Variants in SDS observed in about 807,000 individuals in gnomAD.
The protein encoded by SDS is serine dehydratase, also known as L-serine dehydratase/L-threonine deaminase.
A neutral mutation model predicts 29.3 loss-of-function variants in SDS; 19 were observed. The ratio of observed to expected loss-of-function variants is 0.65; its 90% CI spans 0.45 to 0.95. SDS has a LOEUF of 0.95. SDS is among the 40% of genes least tolerant of loss of function. The pLI, the probability that SDS is intolerant of heterozygous loss-of-function variation, is 0.00. For synonymous variants in SDS, 176 were observed against 189.0 expected, an observed-to-expected ratio of 0.93 and a Z score of 0.56; for missense variants, 375 against 439.9, an observed-to-expected ratio of 0.85 and a Z score of 1.32.
At chr12:113,394,323 TG>T (rs1167450403) in intron 6 of SDS, among the ~76,000 whole-genome samples, 2 of 147,372 alleles carry the variant, frequency 1.4e-5, no homozygotes, top group African/African-American at 2.6e-5. Context: ...TTGTTTTGTT[TG>T]TTTTTTTGTT....
At chr12:113,401,735 G>A (rs1305046473) in intron 1 of SDS, among the ~76,000 whole-genome samples, 1 of 152,202 alleles carries the variant, frequency 6.6e-6, no homozygotes, top group Non-Finnish European at 1.5e-5. Context: ...TCTGGGGGAT[G>A]AAGCAGCTGG....
rs1181446266 is a variant in SDS at position 113,398,538 on chromosome 12, G to C, written c.402C>G (p.Pro134=). The C allele has an allele frequency of 6.3e-7, 1 of 1,591,430 alleles. No individual in the cohort carries two copies. The highest frequency in any genetic ancestry group is 8.5e-7 in the Non-Finnish European group (1 of 1,170,496). Residue 134 remains proline, a synonymous_variant, in exon 5 of 8, where the codon CCC becomes CCG. Coordinates refer to ENST00000257549, the MANE Select transcript of SDS (RefSeq NM_006843.3). ...ACCAGATGAGGGGGTCATCAAAGGGGGGAATGTAGACCCAACCCGGGTTGT... is the reference window on the plus strand; with the variant it reads ...ACCAGATGAGGGGGTCATCAAAGGGCGGAATGTAGACCCAACCCGGGTTGT... ...AKNNPGWVYI[P]PFDDPLIWEG...
intron 1 of SDS, among the ~76,000 whole-genome samples, chr12:113,401,885 G>A (rs1369112108): frequency 6.6e-6 from 1 of 152,156 alleles, no homozygotes; most frequent in Non-Finnish European, 1.5e-5. Context: ...GATGGCCAAG[G>A]GGCTCTCTGG....
chr12:113,399,520 C>A, intron 2 of SDS, 36 bp downstream of exon 2: 2 of 1,505,272 alleles, frequency 1.3e-6, no homozygotes, highest in African/African-American at 1.4e-5. Flanking sequence ...GAGGACCTGC[C>A]ACCCCTGCCC....
intron 1 of SDS, among the ~76,000 whole-genome samples, chr12:113,401,063 G>A (rs989941369): frequency 1.3e-5 from 2 of 151,666 alleles, no homozygotes; most frequent in South Asian, 2.1e-4. Flanking sequence ...GTAGTGAGCC[G>A]AGATCGCGCC....
chr12:113,402,607 G>C (rs1044909917), intron 1 of SDS, among the ~76,000 whole-genome samples: 2 of 152,154 alleles, frequency 1.3e-5, no homozygotes, highest in Admixed American at 6.6e-5. Flanking sequence ...GACATTAAAG[G>C]CCGGTGTAGG....
chr12:113,397,042 G>T (rs989637941), intron 6 of SDS, 123 bp downstream of exon 6: 1 of 901,766 alleles, frequency 1.1e-6, no homozygotes. Flanking sequence ...CTGGGCAAGC[G>T]ATCAAAGCCT....
At chr12:113,394,349 T>TTG (rs1565868928) in intron 6 of SDS, among the ~76,000 whole-genome samples, 1 of 151,070 alleles carries the variant, frequency 6.6e-6, no homozygotes, top group Non-Finnish European at 1.5e-5. Context: ...TTTTGTTTTT[T>TTG]TTTTTTTTTA....
chr12:113,403,633 T>C (rs979018264), intron 1 of SDS, 135 bp downstream of exon 1: 10 of 152,152 alleles, frequency 6.6e-5, no homozygotes, highest in African/African-American at 2.2e-4. Flanking sequence ...CCTTCCAAAG[T>C]GTTGGGATTA....
At chr12:113,400,294 GAAAAA>G (rs777295542) in intron 1 of SDS, among the ~76,000 whole-genome samples, 70 of 128,498 alleles carry the variant, frequency 5.4e-4, no homozygotes, top group Admixed American at 2.0e-3. Flanking sequence ...TCTGTCTTGA[GAAAAA>G]AAAAAAAAAG....
In SDS at chr12:113,393,001, G is replaced by A. The variant is rs747854187; in HGVS notation, c.927C>T (p.Ser309=). ...CCTTGAGCGCCCGCAGCTGGGCCAG[G>A]CTGATGTTGCTGCCCCCGCAGACGA... The part of the protein sequence containing the change: ...VVIVCGGSNI[S]LAQLRALKEQ... Residue 309 remains serine, a synonymous_variant, in exon 8 of 8, where the codon AGC becomes AGT. Coordinates refer to ENST00000257549, the MANE Select transcript of SDS (RefSeq NM_006843.3). 2 of 1,614,202 alleles carry A rather than the reference G, an allele frequency of 1.2e-6. No homozygotes were observed. The highest frequency in any genetic ancestry group is 2.2e-5 in the South Asian group (2 of 91,084).
At chr12:113,397,808 A>T (rs1957657112) in intron 5 of SDS, among the ~76,000 whole-genome samples, 1 of 152,046 alleles carries the variant, frequency 6.6e-6, no homozygotes, top group Non-Finnish European at 1.5e-5. Context: ...GAAAAAGAAA[A>T]AAGAAACAGC....
chr12:113,398,837 G>A lies in SDS; in HGVS notation c.203C>T (p.Ala68Val). ...GGCCGCATATGCAGCCGCCATGCCT[G>A]CGTTGCCCGCTGCCAGGGTCGGGGG... is the stretch of plus-strand genomic sequence containing the variant. ...AHFVCSSAGN[A>V]GMAAAYAARQ... Residue 68 changes from alanine (A) to valine (V), a missense_variant, in exon 4 of 8, where the codon GCA becomes GTA. Ala to Val is a moderately conservative substitution (Grantham distance 64). Transcript: ENST00000257549. The A allele has an allele frequency of 6.2e-7, 1 of 1,605,710 alleles. No individual in the cohort carries two copies. Among genetic ancestry groups the A allele is most frequent in the Non-Finnish European group, 8.5e-7 (1 of 1,176,254 alleles).
Position 113,392,853 on chromosome 12 carries a change from C to G in SDS, c.*88G>C, listed in dbSNP as rs752547968. ...TGCACCCAGGCCACAGGTGCTCAGC[C>G]AAACATACGACGAGGCGCTGGATAA... On this transcript the variant is annotated 3_prime_UTR_variant, in exon 8 of 8. Transcript: ENST00000257549. The G allele has an allele frequency of 1.3e-4, 163 of 1,303,682 alleles. No individual in the cohort carries two copies. In the Middle Eastern group the frequency reaches 4.3e-3, roughly 34 times the overall value. The allele number at this position is 1,303,682 out of a possible 1,614,324, so 80.8% of individuals were successfully genotyped here. A position where few individuals can be genotyped will look rare whatever the true frequency, so the allele number is the denominator to read the frequency against.
intron 1 of SDS, among the ~76,000 whole-genome samples, chr12:113,401,677 C>A (rs1425265958): frequency 5.9e-5 from 9 of 152,210 alleles, no homozygotes; most frequent in Admixed American, 3.3e-4. Flanking sequence ...GGCTCAGGCT[C>A]TCTCTGCGAC....
At chr12:113,400,162 G>T (rs1037625155) in intron 1 of SDS, among the ~76,000 whole-genome samples, 1 of 152,124 alleles carries the variant, frequency 6.6e-6, no homozygotes, top group Non-Finnish European at 1.5e-5. Context: ...GCATGGTGGC[G>T]CACGCCTGTA....
intron 3 of SDS, 111 bp downstream of exon 3, chr12:113,399,001 G>A: frequency 6.5e-7 from 1 of 1,549,420 alleles, no homozygotes; most frequent in Non-Finnish European, 8.9e-7. Flanking sequence ...ATTGGTGGCT[G>A]CTGCCATTGT....
intron 6 of SDS, chr12:113,396,522 TTCCCTCCCTCCC>T (rs1291571059): frequency 1.7e-5 from 2 of 120,870 alleles, no homozygotes; most frequent in African/African-American, 6.4e-5. Flanking sequence ...CCTTCCTTCT[TTCCCTCCCTCCC>T]TCCCTCTCTC....
At chr12:113,393,533 G>T (rs190841878) in intron 7 of SDS, among the ~76,000 whole-genome samples, 1 of 152,120 alleles carries the variant, frequency 6.6e-6, no homozygotes, top group African/African-American at 2.4e-5. Context: ...CCCAGAAAGA[G>T]TCCAGCCTAG....
Sources: allele counts gnomAD v4.1 joint callset (sites outside exome capture counted in the v4.1 genomes callset), GRCh38; gene constraint gnomAD v4.1.1; transcripts MANE v1.5; gene names NCBI Gene and HGNC (gene_info 2026-07-23, HGNC 2026-07-21).